GFRAL: variants seen among roughly 807,000 people sequenced by gnomAD.
GFRAL encodes GDNF family receptor alpha-like.
Under a neutral mutation model 45.4 loss-of-function variants are expected in GFRAL, and 36 were observed. That is an observed-to-expected ratio of 0.79 (90% CI 0.61 to 1.05). GFRAL has a LOEUF of 1.05. GFRAL is among the 50% of genes least tolerant of loss of function. The pLI, the probability that GFRAL is intolerant of heterozygous loss-of-function variation, is 0.00. For missense variants in GFRAL, 507 were observed against 467.5 expected, an observed-to-expected ratio of 1.08 and a Z score of -0.78; for synonymous variants, 166 against 154.1, an observed-to-expected ratio of 1.08 and a Z score of -0.57.
rs573736089 is a variant in GFRAL at position 55,360,542 on chromosome 6, G to T, written c.952+1404G>T. ...GTGATTTGTTGTATATTATGTAATA[G>T]GCATACAGCTCAGAGTTTATGGTTT... On this transcript the variant is annotated intron_variant, in intron 6 of 8. Transcript: ENST00000340465. 3.9e-5 allele frequency among the ~76,000 whole-genome samples: 6 copies of T among 151,976 alleles called. No individual in the cohort carries two copies. The South Asian group carries it at 1.2e-3, about 32-fold the overall frequency.
intron 5 of GFRAL, 86 bp from the exon 6 acceptor site, chr6:55,358,802 T>C: frequency 1.6e-6 from 2 of 1,289,574 alleles, no homozygotes; most frequent in Admixed American, 3.9e-5. Flanking sequence ...TTGTGTTCTA[T>C]GTCTTTCATT....
At chr6:55,369,900 T>C (rs542821820) in intron 6 of GFRAL, among the ~76,000 whole-genome samples, 132 of 152,290 alleles carry the variant, frequency 8.7e-4, no homozygotes, top group Non-Finnish European at 1.5e-3. Context: ...GTGTCAGCTG[T>C]TTGTGTGGAT....
Position 55,378,664 on chromosome 6 carries a change from A to T in GFRAL, c.952+19526A>T, listed in dbSNP as rs184631029. ...GTACTTCCACAAGTCTTTTTCCCTCATTCCCTTTTCTACAGTCTTCCAAGT... is the reference window on the plus strand; with the variant it reads ...GTACTTCCACAAGTCTTTTTCCCTCTTTCCCTTTTCTACAGTCTTCCAAGT... On this transcript the variant is annotated intron_variant, in intron 6 of 8. Coordinates refer to ENST00000340465, the MANE Select transcript of GFRAL (RefSeq NM_207410.2). Among the ~76,000 whole-genome samples the T allele has an allele frequency of 2.6e-5, 4 of 151,696 alleles. No individual in the cohort carries two copies. In the East Asian group the frequency reaches 7.8e-4, roughly 30 times the overall value.
At chr6:55,400,352 T>C (rs7776329) in intron 8 of GFRAL, among the ~76,000 whole-genome samples, 39,973 of 151,964 alleles carry the variant, frequency 0.26, 6,579 homozygotes, top group Admixed American at 0.42. Context: ...AAGTATTCAC[T>C]GGAGATTTAC....
intron 3 of GFRAL, among the ~76,000 whole-genome samples, chr6:55,341,982 T>G (rs929762314): frequency 2.0e-5 from 3 of 150,290 alleles, no homozygotes; most frequent in Non-Finnish European, 4.4e-5. Context: ...AAAAAAAGAG[T>G]AAAAAGAAAT....
intron 6 of GFRAL, among the ~76,000 whole-genome samples, chr6:55,365,650 G>T (rs1481785866): frequency 7.3e-6 from 1 of 136,718 alleles, no homozygotes; most frequent in Non-Finnish European, 1.6e-5. Context: ...TTAGCATGAA[G>T]GGTTGTTGAA....
At chr6:55,396,876 CTTTT>C (rs369457794) in intron 6 of GFRAL, among the ~76,000 whole-genome samples, 4,940 of 127,872 alleles carry the variant, frequency 0.039, 112 homozygotes, top group Non-Finnish European at 0.055. Flanking sequence ...AAGGGGGAAG[CTTTT>C]TTTTTTTTTT....
At chr6:55,386,764 A>C (rs529137224) in intron 6 of GFRAL, among the ~76,000 whole-genome samples, 1 of 152,316 alleles carries the variant, frequency 6.6e-6, no homozygotes, top group Middle Eastern at 3.4e-3. Context: ...TCCAGTGGAG[A>C]CAAATGCTGG....
chr6:55,339,995 C>G (rs1372768737), intron 3 of GFRAL, among the ~76,000 whole-genome samples: 1 of 152,174 alleles, frequency 6.6e-6, no homozygotes, highest in Non-Finnish European at 1.5e-5. Context: ...AAAAACCTTG[C>G]ACTCGATGAG....
At chr6:55,361,385 A>C (rs925281671) in intron 6 of GFRAL, among the ~76,000 whole-genome samples, 5 of 152,020 alleles carry the variant, frequency 3.3e-5, no homozygotes, top group Non-Finnish European at 7.4e-5. Context: ...ACCTATGTAT[A>C]TCCTCCCATA....
intron 6 of GFRAL, among the ~76,000 whole-genome samples, chr6:55,381,704 G>C (rs1050728371): frequency 6.6e-6 from 1 of 151,720 alleles, no homozygotes; most frequent in African/African-American, 2.4e-5. Flanking sequence ...ACTCACTTTT[G>C]TAATTACATG....
chr6:55,350,860 A>G (rs1028706183), intron 4 of GFRAL, among the ~76,000 whole-genome samples: 1 of 152,138 alleles, frequency 6.6e-6, no homozygotes, highest in African/African-American at 2.4e-5. Context: ...GATTCCCCTC[A>G]CAAAAATGTG....
chr6:55,401,774 C>T lies in GFRAL; in HGVS notation c.1122-16C>T, dbSNP rs372846440. On this transcript the variant is annotated splice_polypyrimidine_tract_variant and intron_variant, in intron 8 of 8. Coordinates refer to ENST00000340465, the MANE Select transcript of GFRAL (RefSeq NM_207410.2). ...TAAAATGGCATGTTGTTAACTTTTA[C>T]TTTTATTTTATACAGAACTTCCAGA... is the stretch of plus-strand genomic sequence containing the variant. 185 of 1,406,064 alleles carry T rather than the reference C, an allele frequency of 1.3e-4. No homozygotes were observed. The highest frequency in any genetic ancestry group is 1.4e-4 in the Non-Finnish European group (136 of 990,584). 87.1% of individuals were successfully genotyped at this position (1,406,064 alleles called of 1,614,324 possible). A position where few individuals can be genotyped will look rare whatever the true frequency, so the allele number is the denominator to read the frequency against.
chr6:55,346,987 A>T (rs893564803), intron 3 of GFRAL, among the ~76,000 whole-genome samples: 4 of 152,098 alleles, frequency 2.6e-5, no homozygotes, highest in Admixed American at 6.6e-5. Flanking sequence ...TGATAGTGTG[A>T]CTTTTCTGTG....
chr6:55,337,052 A>T (rs1767899406), intron 3 of GFRAL, among the ~76,000 whole-genome samples: 1 of 152,018 alleles, frequency 6.6e-6, no homozygotes, highest in Non-Finnish European at 1.5e-5. Flanking sequence ...ATATATAGTA[A>T]ATTAGTGTTA....
intron 3 of GFRAL, among the ~76,000 whole-genome samples, chr6:55,348,240 G>GTGTGTA (rs1037729322): frequency 1.2e-3 from 55 of 44,498 alleles, no homozygotes; most frequent in Admixed American, 7.0e-3. Flanking sequence ...AAAAATGAGT[G>GTGTGTA]TGTGTGTGTG....
At chr6:55,369,297 C>A (rs529109472) in intron 6 of GFRAL, among the ~76,000 whole-genome samples, 1 of 152,204 alleles carries the variant, frequency 6.6e-6, no homozygotes, top group Non-Finnish European at 1.5e-5. Context: ...CGCCCTGCTT[C>A]GGCTCACGCA....
At position 55,359,150 on chromosome 6, in the gene GFRAL, A is replaced by G; in HGVS notation, c.952+12A>G. ...AAAATCATGTTTCAGTAAGTTCCCCAAATAAAATTATCTGTCTATCTATCT... is the reference window on the plus strand; with the variant it reads ...AAAATCATGTTTCAGTAAGTTCCCCGAATAAAATTATCTGTCTATCTATCT... On this transcript the variant is annotated intron_variant, in intron 6 of 8. Coordinates refer to ENST00000340465, the MANE Select transcript of GFRAL (RefSeq NM_207410.2). The G allele has an allele frequency of 6.7e-7, 1 of 1,501,144 alleles. No homozygotes were observed. Among genetic ancestry groups the G allele is most frequent in the Non-Finnish European group, 9.1e-7 (1 of 1,100,018 alleles). The allele number at this position is 1,501,144 out of a possible 1,614,324, so 93.0% of individuals were successfully genotyped here. A position where few individuals can be genotyped will look rare whatever the true frequency, so the allele number is the denominator to read the frequency against.
intron 3 of GFRAL, among the ~76,000 whole-genome samples, chr6:55,346,431 T>C (rs981009770): frequency 6.6e-6 from 1 of 151,864 alleles, no homozygotes; most frequent in Non-Finnish European, 1.5e-5. Flanking sequence ...CTCAGCAAAC[T>C]ATCCCAAAGA....
Sources: allele counts gnomAD v4.1 joint callset (sites outside exome capture counted in the v4.1 genomes callset), GRCh38; gene constraint gnomAD v4.1.1; transcripts MANE v1.5; gene names NCBI Gene and HGNC (gene_info 2026-07-23, HGNC 2026-07-21).